Variants in TRIM24 observed in about 807,000 individuals in gnomAD.
TRIM24 encodes transcription intermediary factor 1-alpha.
A neutral mutation model predicts 123.9 loss-of-function variants in TRIM24; 29 were observed. The ratio of observed to expected loss-of-function variants is 0.23; its 90% CI spans 0.17 to 0.32. The LOEUF is 0.32. Ranked by LOEUF, TRIM24 falls within the 10% of genes least tolerant of loss-of-function variation. The pLI is 1.00. For missense variants in TRIM24, 932 were observed against 1,295.3 expected, an observed-to-expected ratio of 0.72 and a Z score of 4.31; for synonymous variants, 456 against 461.1, an observed-to-expected ratio of 0.99 and a Z score of 0.14.
chr7:138,530,923 T>C (rs1796718143), intron 6 of TRIM24, among the ~76,000 whole-genome samples: 1 of 152,090 alleles, frequency 6.6e-6, no homozygotes, highest in South Asian at 2.1e-4. Flanking sequence ...TTTTTTATTT[T>C]TGTAGAGATG....
intron 1 of TRIM24, among the ~76,000 whole-genome samples, chr7:138,476,852 A>G (rs1390198751): frequency 1.3e-5 from 2 of 152,136 alleles, no homozygotes; most frequent in African/African-American, 4.8e-5. Flanking sequence ...GCACAGTGTT[A>G]TTTGTCTGTA....
chr7:138,515,135 T>G (rs2116555324), intron 2 of TRIM24, 77 bp from the exon 3 acceptor site: 1 of 1,414,956 alleles, frequency 7.1e-7, no homozygotes, highest in African/African-American at 1.4e-5. Flanking sequence ...ACAATTGGTG[T>G]ATCATGTACG....
chr7:138,527,293 T>G (rs1796630328), intron 5 of TRIM24, among the ~76,000 whole-genome samples: 2 of 152,256 alleles, frequency 1.3e-5, no homozygotes. Flanking sequence ...TTTTTTCTTC[T>G]ACAAAATAAT....
intron 11 of TRIM24, 129 bp downstream of exon 11, chr7:138,571,132 C>G: frequency 4.5e-6 from 4 of 895,348 alleles, no homozygotes; most frequent in Non-Finnish European, 6.9e-6. Flanking sequence ...GAGTTCGAGA[C>G]TAGCCTGGCC....
intron 6 of TRIM24, among the ~76,000 whole-genome samples, chr7:138,530,144 C>T (rs1020361575): frequency 5.3e-5 from 8 of 151,224 alleles, no homozygotes; most frequent in East Asian, 3.9e-4. Flanking sequence ...CTTTTGGAAA[C>T]GTAGTTATTT....
chr7:138,505,509 GGTTGTTGTTGTTGTTGTTGTT>G (rs59585473), intron 2 of TRIM24, among the ~76,000 whole-genome samples: 2 of 143,820 alleles, frequency 1.4e-5, no homozygotes, highest in Non-Finnish European at 3.0e-5. Context: ...TGGGGGTGGT[GGTTGTTGTTGTTGTTGTTGTT>G]GTTGTTGTTG....
chr7:138,498,073 T>G (rs1306385495), intron 1 of TRIM24, among the ~76,000 whole-genome samples: 3 of 151,756 alleles, frequency 2.0e-5, no homozygotes, highest in Non-Finnish European at 1.5e-5. Flanking sequence ...TAGGCTGGGG[T>G]GCAGTGGCGC....
intron 7 of TRIM24, among the ~76,000 whole-genome samples, chr7:138,547,280 A>G (rs1171421856): frequency 6.6e-6 from 1 of 152,176 alleles, no homozygotes; most frequent in Non-Finnish European, 1.5e-5. Flanking sequence ...AAGGCTGCAA[A>G]ATTTCAATTA....
At position 138,577,426 on chromosome 7, in the gene TRIM24, C is replaced by T; in HGVS notation, c.2094C>T (p.Gly698=). Residue 698 remains glycine, a synonymous_variant, in exon 14 of 19, where the codon GGC becomes GGT. Transcript: ENST00000343526. ...ASSVGSRGSS[G]SSSKPAGADS... ...TTCTCTCTCATACTTACAGCTCTGG[C>T]TCTTCCAGCAAACCAGCAGGAGCTG... is the stretch of plus-strand genomic sequence containing the variant. The T allele has an allele frequency of 6.4e-7, 1 of 1,569,140 alleles. No individual in the cohort carries two copies. The highest frequency in any genetic ancestry group is 8.6e-7 in the Non-Finnish European group (1 of 1,160,608).
chr7:138,569,269 A>G (rs958985525), intron 10 of TRIM24, among the ~76,000 whole-genome samples: 2 of 152,210 alleles, frequency 1.3e-5, no homozygotes, highest in African/African-American at 4.8e-5. Context: ...TAATGAGTAG[A>G]TACTCTAAGC....
chr7:138,504,206 G>T lies in TRIM24; in HGVS notation c.365-84G>T, dbSNP rs1796100134. On this transcript the variant is annotated intron_variant, in intron 1 of 18. Coordinates refer to ENST00000343526, the MANE Select transcript of TRIM24 (RefSeq NM_015905.3). ...TTTAAAAAGAATGGACATTGAAAAA[G>T]AACAAAGTCACAGTTTGAGATGTAT... 13 of 823,904 alleles carry T rather than the reference G, an allele frequency of 1.6e-5. No individual in the cohort carries two copies. In the South Asian group the frequency reaches 4.4e-4, roughly 28 times the overall value. 51.0% of individuals were successfully genotyped at this position (823,904 alleles called of 1,614,324 possible).
chr7:138,564,770 A>G (rs1679728015), intron 9 of TRIM24, among the ~76,000 whole-genome samples: 1 of 152,112 alleles, frequency 6.6e-6, no homozygotes, highest in Non-Finnish European at 1.5e-5. Context: ...GGGCCATTCT[A>G]TTTCACAGAG....
chr7:138,509,888 C>T (rs1316393971), intron 2 of TRIM24, among the ~76,000 whole-genome samples: 6 of 152,046 alleles, frequency 3.9e-5, no homozygotes, highest in Admixed American at 2.6e-4. Context: ...GGAAGGGCCT[C>T]GTGGAACTTA....
chr7:138,575,963 T>C (rs1432827870), intron 12 of TRIM24, among the ~76,000 whole-genome samples: 1 of 152,228 alleles, frequency 6.6e-6, no homozygotes. Flanking sequence ...TAGCTTCCAC[T>C]GGCACTAGGG....
At chr7:138,471,602 G>A (rs1025586970) in intron 1 of TRIM24, among the ~76,000 whole-genome samples, 4 of 151,904 alleles carry the variant, frequency 2.6e-5, no homozygotes, top group Non-Finnish European at 4.4e-5. Context: ...GTGCAGTGGT[G>A]CAATCTTGGC....
intron 2 of TRIM24, among the ~76,000 whole-genome samples, chr7:138,506,958 T>C (rs760166084): frequency 1.3e-5 from 2 of 152,184 alleles, no homozygotes; most frequent in Admixed American, 6.5e-5. Context: ...GAACTTGATA[T>C]GCCTGATTGG....
chr7:138,473,861 T>G (rs1475849787), intron 1 of TRIM24, among the ~76,000 whole-genome samples: 1 of 152,148 alleles, frequency 6.6e-6, no homozygotes, highest in African/African-American at 2.4e-5. Context: ...GCCTTAACCT[T>G]CCAGGCCTGA....
intron 1 of TRIM24, among the ~76,000 whole-genome samples, chr7:138,464,155 C>G (rs577131899): frequency 4.0e-5 from 6 of 151,344 alleles, no homozygotes; most frequent in Non-Finnish European, 2.9e-5. Flanking sequence ...CCACCACGCC[C>G]GGCTAATTTT....
rs984341428 is a variant in TRIM24 at position 138,576,399 on chromosome 7, C to A, written c.2041C>A (p.Pro681Thr). The change falls in exon 13 of 19, where the codon CCC becomes ACC. Residue 681 changes from proline (P) to threonine (T), a missense_variant. By Grantham distance (38) the Pro-to-Thr change is conservative (BLOSUM62 -1). Around this residue, in one of 7 missense-constraint regions of TRIM24, gnomAD observed 527 missense variants for 691.3 expected, o/e 0.76. Coordinates refer to ENST00000343526, the MANE Select transcript of TRIM24 (RefSeq NM_015905.3). ...AGPVTMTSVH[P>T]PIRSPSASSV... is the part of the protein sequence containing the mutation. ...ACCTGTTACTATGACTAGTGTACAC[C>A]CCCCAATACGTTCACCTAGTGCCTC... 6.2e-7 allele frequency: 1 copy of A among 1,613,506 alleles called. No homozygotes were observed. The highest frequency in any genetic ancestry group is 1.3e-5 in the African/African-American group (1 of 74,820).
Sources: gnomAD v4.1 joint callset for allele counts (sites outside exome capture counted in the v4.1 genomes callset) on GRCh38, gnomAD v4.1.1 for gene constraint, gnomAD v4.1.1 regional missense constraint, MANE v1.5 for transcripts, NCBI Gene and HGNC (gene_info 2026-07-23, HGNC 2026-07-21) for gene names.